RGS6: variants seen among roughly 807,000 people sequenced by gnomAD.
RGS6 encodes regulator of G protein signaling 6.
A neutral mutation model predicts 78.5 loss-of-function variants in RGS6; 30 were observed. The observed-to-expected ratio is 0.38, with a 90% CI of 0.29 to 0.52. The LOEUF (loss-of-function observed/expected upper bound fraction) is 0.52. RGS6 is among the 20% of genes least tolerant of loss of function. The pLI, the probability that RGS6 is intolerant of heterozygous loss-of-function variation, is 0.85. For synonymous variants in RGS6, 206 were observed against 206.0 expected (o/e 1.00, Z 0.00); for missense variants, 495 against 609.7 (o/e 0.81, Z 1.98).
chr14:72,031,866 A>C (rs1247922094), intron 2 of RGS6, among the ~76,000 whole-genome samples: 1 of 152,208 alleles, frequency 6.6e-6, no homozygotes, highest in Non-Finnish European at 1.5e-5. Flanking sequence ...GATTGGGATA[A>C]TACTCCAATA....
intron 1 of RGS6, among the ~76,000 whole-genome samples, chr14:71,955,238 C>G (rs554165631): frequency 2.0e-5 from 3 of 152,238 alleles, no homozygotes; most frequent in African/African-American, 4.8e-5. Flanking sequence ...CACCTGAGCC[C>G]GGCTGGTGTG....
the RGS6 span, among the ~76,000 whole-genome samples, chr14:71,918,259 G>A: frequency 7.6e-6 from 1 of 131,984 alleles, no homozygotes; most frequent in African/African-American, 2.9e-5. Flanking sequence ...AGGAACTCTC[G>A]AACTGTATGT....
At chr14:72,548,342 T>C (rs1012009069) in intron 17 of RGS6, among the ~76,000 whole-genome samples, 12 of 134,744 alleles carry the variant, frequency 8.9e-5, no homozygotes, top group African/African-American at 1.6e-4. Context: ...TGTGTGTGTG[T>C]GCGCGCGTGT....
chr14:71,896,664 C>T, the RGS6 span, among the ~76,000 whole-genome samples: 1 of 152,172 alleles, frequency 6.6e-6, no homozygotes, highest in Non-Finnish European at 1.5e-5. Flanking sequence ...TGACAAATGC[C>T]TCTGACAAAA....
At chr14:71,950,626 A>C (rs2092202647) in intron 1 of RGS6, among the ~76,000 whole-genome samples, 1 of 152,244 alleles carries the variant, frequency 6.6e-6, no homozygotes, top group Admixed American at 6.5e-5. Context: ...CAGAGCGAAC[A>C]GGCAGCCTAC....
chr14:72,472,862 A>C lies in RGS6; in HGVS notation c.537-10A>C. On this transcript the variant is annotated splice_polypyrimidine_tract_variant and intron_variant, in intron 8 of 17. Transcript: ENST00000553525. ...AGCTTCTTATTTCCTTCCTCTCTTT[A>C]CTCTTTCAGGATTGACCGGAAAAAA... 6.3e-7 allele frequency: 1 copy of C among 1,592,008 alleles called. No homozygotes were observed. The highest frequency in any genetic ancestry group is 8.6e-7 in the Non-Finnish European group (1 of 1,164,278).
chr14:72,449,460 C>T (rs1030440448), intron 3 of RGS6, among the ~76,000 whole-genome samples: 5 of 152,092 alleles, frequency 3.3e-5, no homozygotes, highest in African/African-American at 7.2e-5. Context: ...GGTTCTGATG[C>T]GTTAATGGGA....
At chr14:72,233,091 A>G (rs847304) in intron 2 of RGS6, among the ~76,000 whole-genome samples, 63,242 of 151,906 alleles carry the variant, frequency 0.42, 13,977 homozygotes, top group East Asian at 0.59. Context: ...TACCAGGTGT[A>G]ACTGGCAGAG....
the RGS6 span, among the ~76,000 whole-genome samples, chr14:72,598,435 C>T: frequency 6.6e-6 from 1 of 152,248 alleles, no homozygotes; most frequent in South Asian, 2.1e-4. Flanking sequence ...CTTCCAGCAG[C>T]ACCTGGATCT....
downstream of RGS6, among the ~76,000 whole-genome samples, chr14:72,569,190 G>A (rs536954435): frequency 4.5e-3 from 686 of 151,876 alleles, 2 homozygotes; most frequent in South Asian, 0.01. Flanking sequence ...AAAATTCACC[G>A]TTTTATATTA....
At chr14:72,383,518 G>A (rs747654792) in intron 3 of RGS6, among the ~76,000 whole-genome samples, 21 of 151,930 alleles carry the variant, frequency 1.4e-4, no homozygotes, top group African/African-American at 4.1e-4. Flanking sequence ...TGATCCATTC[G>A]GCTGCGCTCT....
the RGS6 span, among the ~76,000 whole-genome samples, chr14:72,627,736 C>T: frequency 1.2e-4 from 18 of 152,068 alleles, no homozygotes; most frequent in Non-Finnish European, 5.9e-5. Flanking sequence ...TAAATTAACT[C>T]AGGAAGAACT....
At chr14:72,448,786 A>ATAG (rs769679323) in intron 3 of RGS6, among the ~76,000 whole-genome samples, 186 of 152,334 alleles carry the variant, frequency 1.2e-3, no homozygotes, top group Non-Finnish European at 2.2e-3. Flanking sequence ...CTACTTGGAA[A>ATAG]GTTATACAGA....
the RGS6 span, among the ~76,000 whole-genome samples, chr14:72,571,842 G>A: frequency 1.3e-5 from 2 of 152,204 alleles, no homozygotes; most frequent in African/African-American, 4.8e-5. Context: ...TTAAACTGTT[G>A]TGGCTCAAAG....
Position 72,359,144 on chromosome 14 carries a change from G to C in RGS6, c.184+6950G>C, listed in dbSNP as rs149419492. 7.0e-3 allele frequency among the ~76,000 whole-genome samples: 1,063 copies of C among 152,298 alleles called. 17 individuals carry two copies. The highest frequency in any genetic ancestry group is 0.023 in the African/African-American group (976 of 41,576). ...TTACTGAGGCCTTTCCAGCCATGCT[G>C]TACTGTCTGTCAATTAAACCTCTTT... On this transcript the variant is annotated intron_variant, in intron 3 of 17. Coordinates refer to ENST00000553525, the MANE Select transcript of RGS6 (RefSeq NM_001204424.2).
chr14:71,996,151 A>G (rs1485232992), intron 2 of RGS6, among the ~76,000 whole-genome samples: 1 of 114,450 alleles, frequency 8.7e-6, no homozygotes, highest in Non-Finnish European at 2.0e-5. Context: ...GTTCGTTAGA[A>G]GTGTGTTTTT....
intron 3 of RGS6, among the ~76,000 whole-genome samples, chr14:72,379,932 A>G (rs2085637134): frequency 6.6e-6 from 1 of 152,200 alleles, no homozygotes; most frequent in South Asian, 2.1e-4. Context: ...ACAAAGCTGT[A>G]GTAACCAAAA....
chr14:72,582,026 T>C, the RGS6 span, among the ~76,000 whole-genome samples: 1 of 151,992 alleles, frequency 6.6e-6, no homozygotes, highest in South Asian at 2.1e-4. Context: ...AACCCAGAGG[T>C]ATTTTGGCTT....
intron 2 of RGS6, among the ~76,000 whole-genome samples, chr14:72,250,745 A>G (rs1429166722): frequency 6.6e-6 from 1 of 152,220 alleles, no homozygotes; most frequent in Non-Finnish European, 1.5e-5. Flanking sequence ...TTAAGAATGT[A>G]TGGTATGGTC....
Sources: allele counts gnomAD v4.1 joint callset (sites outside exome capture counted in the v4.1 genomes callset), GRCh38; gene constraint gnomAD v4.1.1; transcripts MANE v1.5; gene names NCBI Gene and HGNC (gene_info 2026-07-23, HGNC 2026-07-21).